Variants in SVOP observed in about 807,000 individuals in gnomAD.
The protein encoded by SVOP is SV2 related protein.
A neutral mutation model predicts 69.1 loss-of-function variants in SVOP; 17 were observed. The observed-to-expected ratio is 0.25, with a 90% confidence interval of 0.17 to 0.37. The LOEUF (loss-of-function observed/expected upper bound fraction) is 0.37, where lower values mean the gene tolerates loss of function less well. Among genes scored for constraint, SVOP ranks in the 10% least tolerant of loss-of-function variants. The probability of loss-of-function intolerance (pLI) is 1.00; values close to 1 mark genes in which losing one functional copy is unlikely to be tolerated. For synonymous variants in SVOP, 238 were observed against 238.6 expected (o/e 1.00, Z 0.02); for missense variants, 435 against 597.5 (o/e 0.73, Z 2.84).
intron 15 of SVOP, among the ~76,000 whole-genome samples, chr12:108,914,942 A>T (rs2039704542): frequency 6.6e-6 from 1 of 151,416 alleles, no homozygotes; most frequent in South Asian, 2.1e-4. Context: ...TTGGAGGCCG[A>T]GGCAGGCAGA....
At chr12:109,000,966 A>G (rs2040264831) in intron 1 of SVOP, among the ~76,000 whole-genome samples, 1 of 151,544 alleles carries the variant, frequency 6.6e-6, no homozygotes, top group Non-Finnish European at 1.5e-5. Flanking sequence ...GGCCAGGGCA[A>G]TTAGGCTGGA....
At chr12:108,945,483 C>G (rs2039917095) in intron 6 of SVOP, among the ~76,000 whole-genome samples, 1 of 152,094 alleles carries the variant, frequency 6.6e-6, no homozygotes, top group Non-Finnish European at 1.5e-5. Flanking sequence ...CCTTGAACTC[C>G]TGGGCTCAAG....
rs999165653 is a variant in SVOP at position 108,971,105 on chromosome 12, C to T, written c.453+1300G>A. 1.4e-4 allele frequency among the ~76,000 whole-genome samples: 21 copies of T among 152,030 alleles called. 1 individual carries two copies. Among genetic ancestry groups the T allele is most frequent in the Admixed American group, 3.3e-4 (5 of 15,274 alleles). On this transcript the variant is annotated intron_variant, in intron 5 of 15. Coordinates refer to ENST00000610966, the MANE Select transcript of SVOP (RefSeq NM_018711.5). ...CCAATACAGGTTCTGTTATTTTCTTCTTTATACGTATTAGGAAATTGATAA... is the reference window on the plus strand; with the variant it reads ...CCAATACAGGTTCTGTTATTTTCTTTTTTATACGTATTAGGAAATTGATAA...
At chr12:108,931,776 G>A (rs1305955215) in intron 11 of SVOP, among the ~76,000 whole-genome samples, 2 of 151,512 alleles carry the variant, frequency 1.3e-5, no homozygotes, top group Non-Finnish European at 2.9e-5. Flanking sequence ...GGAGCTTGCA[G>A]TGAGCCGAGA....
chr12:108,937,237 T>A (rs1445719143), intron 10 of SVOP, 27 bp downstream of exon 10: 1 of 1,612,898 alleles, frequency 6.2e-7, no homozygotes, highest in East Asian at 2.2e-5. Context: ...TGGAAAGGGG[T>A]CAAAGTGGTC....
intron 1 of SVOP, among the ~76,000 whole-genome samples, chr12:109,017,427 A>G (rs2040373154): frequency 6.6e-6 from 1 of 151,916 alleles, no homozygotes; most frequent in South Asian, 2.1e-4. Flanking sequence ...AAAGTTGGGG[A>G]CTGCTGGCCT....
intron 1 of SVOP, among the ~76,000 whole-genome samples, chr12:109,006,405 G>A (rs1029606437): frequency 6.6e-6 from 1 of 152,100 alleles, no homozygotes. Context: ...TGGCAAGGCT[G>A]AGAAATCACG....
chr12:108,950,539 C>A (rs901769395), intron 6 of SVOP, among the ~76,000 whole-genome samples: 8 of 152,136 alleles, frequency 5.3e-5, no homozygotes, highest in African/African-American at 1.9e-4. Flanking sequence ...TGCACCACCA[C>A]ACTTGGCTAA....
intron 1 of SVOP, among the ~76,000 whole-genome samples, chr12:109,012,673 A>AGGCC: frequency 6.6e-6 from 1 of 152,312 alleles, no homozygotes; most frequent in Non-Finnish European, 1.5e-5. Flanking sequence ...CAAGCCTGTA[A>AGGCC]TCCCAGCACT....
At chr12:108,971,238 G>C (rs2040077059) in intron 5 of SVOP, among the ~76,000 whole-genome samples, 1 of 152,112 alleles carries the variant, frequency 6.6e-6, no homozygotes, top group African/African-American at 2.4e-5. Flanking sequence ...AGACCAGCCT[G>C]GCCAACATGG....
chr12:108,945,091 TCTC>T lies in SVOP; in HGVS notation c.642+9_642+11del. The T allele has an allele frequency of 6.5e-7, 1 of 1,536,852 alleles. No homozygotes were observed. The highest frequency in any genetic ancestry group is 1.4e-5 in the African/African-American group (1 of 73,086). The stretch of plus-strand genomic sequence containing the variant: ...CACATGCTCTAGAGACCCAGGCCGC[TCTC>T]CTCCTTACCTCAATCAGCAAAATAC... On this transcript the variant is annotated intron_variant, in intron 7 of 15. Coordinates refer to ENST00000610966, the MANE Select transcript of SVOP (RefSeq NM_018711.5).
intron 7 of SVOP, among the ~76,000 whole-genome samples, chr12:108,942,157 T>C (rs1048139951): frequency 6.6e-6 from 1 of 152,234 alleles, no homozygotes; most frequent in Non-Finnish European, 1.5e-5. Flanking sequence ...TCATCTGCAT[T>C]GTACCATATG....
chr12:108,997,649 G>C (rs2073825435), intron 1 of SVOP, among the ~76,000 whole-genome samples: 1 of 151,330 alleles, frequency 6.6e-6, no homozygotes, highest in Non-Finnish European at 1.5e-5. Context: ...GTGGGTCCCT[G>C]ACCCCTGACC....
intron 12 of SVOP, among the ~76,000 whole-genome samples, 151 bp from the exon 13 acceptor site, chr12:108,919,937 AG>A (rs1408532946): frequency 1.3e-5 from 2 of 152,276 alleles, no homozygotes; most frequent in South Asian, 2.1e-4. Context: ...AAAAGTGATA[AG>A]GTGTCACTTT....
At chr12:108,987,154 A>G (rs1254815926) in intron 1 of SVOP, among the ~76,000 whole-genome samples, 1 of 152,178 alleles carries the variant, frequency 6.6e-6, no homozygotes, top group Non-Finnish European at 1.5e-5. Flanking sequence ...GTCTCTATGA[A>G]TTTGACTCCT....
At position 108,993,709 on chromosome 12, in the gene SVOP, C is replaced by T. The variant is rs1255909095; in HGVS notation, c.36-9948G>A. ...GGTGACATTTCACGTATGGAACCCA[C>T]TAAGTGAGGGGTGGTGTGAAATGGG... On this transcript the variant is annotated intron_variant, in intron 1 of 15. Transcript: ENST00000610966. 2.0e-5 allele frequency among the ~76,000 whole-genome samples: 3 copies of T among 152,066 alleles called. 1 individual carries two copies. The East Asian group carries it at 5.8e-4, about 29-fold the overall frequency.
At chr12:109,010,243 T>A (rs147412335) in intron 1 of SVOP, among the ~76,000 whole-genome samples, 1 of 152,132 alleles carries the variant, frequency 6.6e-6, no homozygotes, top group East Asian at 1.9e-4. Context: ...TGAGAATCAG[T>A]CTTGTAGAGC....
intron 10 of SVOP, among the ~76,000 whole-genome samples, chr12:108,934,516 C>A (rs916477019): frequency 6.6e-6 from 1 of 152,156 alleles, no homozygotes; most frequent in Non-Finnish European, 1.5e-5. Context: ...GGTGTTTGAA[C>A]CAGAGCACCT....
At chr12:108,991,146 G>A (rs530674503) in intron 1 of SVOP, among the ~76,000 whole-genome samples, 11 of 152,296 alleles carry the variant, frequency 7.2e-5, no homozygotes, top group African/African-American at 1.4e-4. Flanking sequence ...ACATCCTGCC[G>A]TCTGGAGCTG....
Sources: allele counts gnomAD v4.1 joint callset (sites outside exome capture counted in the v4.1 genomes callset), GRCh38; gene constraint gnomAD v4.1.1; transcripts MANE v1.5; gene names NCBI Gene and HGNC (gene_info 2026-07-23, HGNC 2026-07-21).